The following SLC7A9 variants were observed in gnomAD, a reference collection of about 807,000 sequenced individuals.
SLC7A9 encodes the protein B(0,+)-type amino acid transporter 1.
A neutral mutation model predicts 54.1 loss-of-function variants in SLC7A9; 38 were observed. That is an observed-to-expected ratio of 0.70 (90% CI 0.54 to 0.92). The LOEUF (loss-of-function observed/expected upper bound fraction) is 0.92, where lower values mean the gene tolerates loss of function less well. SLC7A9 is among the 40% of genes least tolerant of loss of function. SLC7A9 has a pLI of 0.00. For synonymous variants in SLC7A9, 264 were observed against 258.9 expected, an observed-to-expected ratio of 1.02 and a Z score of -0.19; for missense variants, 537 against 636.1, an observed-to-expected ratio of 0.84 and a Z score of 1.68.
intron 12 of SLC7A9, among the ~76,000 whole-genome samples, chr19:32,831,674 C>T (rs1156720364): frequency 6.6e-6 from 1 of 152,218 alleles, no homozygotes; most frequent in African/African-American, 2.4e-5. Flanking sequence ...AAAGTGGCTA[C>T]TAACATAGCT....
At chr19:32,849,998 C>T (rs1480614186) in intron 9 of SLC7A9, among the ~76,000 whole-genome samples, 550 of 151,696 alleles carry the variant, frequency 3.6e-3, no homozygotes, top group African/African-American at 9.7e-3. Flanking sequence ...ATGCTAAAAA[C>T]TCTCAATAAA....
Position 32,862,477 on chromosome 19 carries a change from C to T in SLC7A9, c.588G>A (p.Leu196=). ...GTGGGTCACCTTGGGCCAGGAGCAC[C>T]AGCCCGCTGATGATGATGATGGCCA... ...VIVAIIIISG[L]VLLAQGNTKN... Residue 196 remains leucine, a synonymous_variant, in exon 5 of 13, where the codon CTG becomes CTA. Transcript: ENST00000023064. 2 of 1,613,134 alleles carry T rather than the reference C, an allele frequency of 1.2e-6. No individual in the cohort carries two copies. Among genetic ancestry groups the T allele is most frequent in the African/African-American group, 2.7e-5 (2 of 74,976 alleles).
intron 11 of SLC7A9, among the ~76,000 whole-genome samples, chr19:32,837,109 C>T (rs758033378): frequency 2.0e-5 from 3 of 152,154 alleles, no homozygotes; most frequent in African/African-American, 7.2e-5. Flanking sequence ...CAAGCATCCT[C>T]TACTCACTGT....
chr19:32,858,188 C>A (rs1222334046), intron 9 of SLC7A9, among the ~76,000 whole-genome samples: 1 of 152,176 alleles, frequency 6.6e-6, no homozygotes, highest in Non-Finnish European at 1.5e-5. Context: ...GAACTAGGGC[C>A]CCCTGGAGTG....
In SLC7A9 at chr19:32,868,641, G is replaced by T; in HGVS notation, c.-107C>A. 1.1e-6 allele frequency: 1 copy of T among 918,332 alleles called. No individual in the cohort carries two copies. The highest frequency in any genetic ancestry group is 1.8e-6 in the Non-Finnish European group (1 of 555,912). The allele number at this position is 918,332 out of a possible 1,614,324, so 56.9% of individuals were successfully genotyped here. A position where few individuals can be genotyped will look rare whatever the true frequency, so the allele number is the denominator to read the frequency against. On this transcript the variant is annotated 5_prime_UTR_variant, in exon 2 of 13. Coordinates refer to ENST00000023064, the MANE Select transcript of SLC7A9 (RefSeq NM_014270.5). ...TGCAAGCTCGGCCTGGACTAGGGGA[G>T]CTGGCTGCAAAAGCACAGTGTTGGT...
chr19:32,868,318 AC>A, intron 2 of SLC7A9, 129 bp downstream of exon 2: 1 of 714,514 alleles, frequency 1.4e-6, no homozygotes, highest in South Asian at 1.5e-5. Context: ...TTAAAGATGT[AC>A]TTCACAAATC....
intron 12 of SLC7A9, chr19:32,831,453 AT>A (rs368031675): frequency 3.3e-5 from 5 of 150,362 alleles, no homozygotes; most frequent in Non-Finnish European, 4.4e-5. Flanking sequence ...CGCCCGGCTA[AT>A]TTTTTTTTGT....
chr19:32,834,500 G>C (rs1967898402), intron 11 of SLC7A9, among the ~76,000 whole-genome samples: 1 of 152,000 alleles, frequency 6.6e-6, no homozygotes. Flanking sequence ...CGTGATGGCA[G>C]ATGCCTGTAA....
At chr19:32,833,048 G>C in intron 12 of SLC7A9, 101 bp downstream of exon 12, 3 of 1,123,320 alleles carry the variant, frequency 2.7e-6, no homozygotes, top group East Asian at 2.3e-5. Context: ...TCTGCCAGCA[G>C]GGTGAGACAC....
intron 9 of SLC7A9, among the ~76,000 whole-genome samples, chr19:32,846,053 G>A (rs1029427063): frequency 9.8e-5 from 15 of 152,302 alleles, no homozygotes; most frequent in Admixed American, 2.6e-4. Flanking sequence ...CAAGATAGCC[G>A]AATAGGAACA....
intron 7 of SLC7A9, chr19:32,860,259 TAAG>T (rs1307038507): frequency 7.1e-7 from 1 of 1,399,356 alleles, no homozygotes. Context: ...AGTGAGCTCA[TAAG>T]AAACCATTCG....
At position 32,864,764 on chromosome 19, in the gene SLC7A9, T is replaced by C. The variant is rs1968916980; in HGVS notation, c.100A>G (p.Ser34Gly). Residue 34 changes from serine (S) to glycine (G), a missense_variant, in exon 3 of 13, where the codon AGT becomes GGT. Physicochemically the swap from Ser to Gly is moderately conservative, Grantham distance 56. Transcript: ENST00000023064. ...GTGCCCACGATGATGGAGATGCCAC[T>C]GATGAGGCCCAGCTGGGTGTGGAGG... Reference protein sequence around the residue: ...TSLQKELGLISGISIIVGTII... With the variant: ...TSLQKELGLIGGISIIVGTII... 6.2e-7 allele frequency: 1 copy of C among 1,614,002 alleles called. No individual in the cohort carries two copies. Among genetic ancestry groups the C allele is most frequent in the African/African-American group, 1.3e-5 (1 of 74,920 alleles).
At chr19:32,861,707 C>T (rs1429489499) in intron 6 of SLC7A9, among the ~76,000 whole-genome samples, 2 of 152,060 alleles carry the variant, frequency 1.3e-5, no homozygotes, top group African/African-American at 4.8e-5. Flanking sequence ...CCCAGCTACT[C>T]AGGAGGCTGA....
Position 32,862,183 on chromosome 19 carries a change from G to A in SLC7A9, c.639C>T (p.Gly213=), listed in dbSNP as rs763216072. The change falls in exon 6 of 13, where the codon GGC becomes GGT. Residue 213 remains glycine (G), a synonymous_variant. Transcript: ENST00000023064. ...NTKNFDNSFE[G]AQLSVGAISL... is the part of the protein sequence containing the mutation. ...TGATGGCTCCCACAGACAGCTGGGCGCCCTCGAAAGAATTATCAAAATTCT... is the reference window on the plus strand; with the variant it reads ...TGATGGCTCCCACAGACAGCTGGGCACCCTCGAAAGAATTATCAAAATTCT... 22 of 1,613,712 alleles carry A rather than the reference G, an allele frequency of 1.4e-5. No homozygotes were observed. Among genetic ancestry groups the A allele is most frequent in the East Asian group, 2.2e-5 (1 of 44,890 alleles).
Position 32,868,435 on chromosome 19 carries a change from GA to G in SLC7A9, c.87+12del. 1 of 1,611,452 alleles carries G rather than the reference GA, an allele frequency of 6.2e-7. No individual in the cohort carries two copies. The highest frequency in any genetic ancestry group is 1.3e-5 in the African/African-American group (1 of 74,960). The stretch of plus-strand genomic sequence containing the variant: ...AACCTGCAAAGGGCCTGCCCCACCA[GA>G]GACCGCCTTACCTCCTTTTGGAGAC... On this transcript the variant is annotated intron_variant, in intron 2 of 12. Transcript: ENST00000023064.
intron 11 of SLC7A9, among the ~76,000 whole-genome samples, chr19:32,841,505 C>T (rs538852406): frequency 1.2e-3 from 188 of 152,104 alleles, no homozygotes; most frequent in Non-Finnish European, 2.2e-3. Flanking sequence ...GTGGGAGGAT[C>T]GCTTGAGCCC....
chr19:32,859,974 G>A lies in SLC7A9; in HGVS notation c.750-10C>T, dbSNP rs1379970045. 6.2e-7 allele frequency: 1 copy of A among 1,613,934 alleles called. No homozygotes were observed. Among genetic ancestry groups the A allele is most frequent in the Non-Finnish European group, 8.5e-7 (1 of 1,179,970 alleles). The stretch of plus-strand genomic sequence containing the variant: ...GGCCAAAGGCAGGTTTCTGGGAGGG[G>A]CAATGACACGGAGACCCACGTTCAG... On this transcript the variant is annotated splice_polypyrimidine_tract_variant and intron_variant, in intron 7 of 12. Transcript: ENST00000023064.
chr19:32,855,701 CAAA>C (rs113279936), intron 9 of SLC7A9, among the ~76,000 whole-genome samples: 1 of 145,182 alleles, frequency 6.9e-6, no homozygotes, highest in Non-Finnish European at 1.5e-5. Flanking sequence ...GACTCCGTCT[CAAA>C]AAAAAAAATA....
chr19:32,859,952 CA>C lies in SLC7A9; in HGVS notation c.761del (p.Leu254TrpfsTer10), dbSNP rs1217746861. On this transcript the variant is annotated frameshift_variant, in exon 8 of 13. Transcript: ENST00000023064. LOFTEE classifies it high-confidence loss of function. ...ELRNPYRNLP[L>X]AIIIGIPLVT... ...CCAGGGGGATCCCGATGATAATGGCCAAAGGCAGGTTTCTGGGAGGGGCAAT... is the reference window on the plus strand; with the variant it reads ...CCAGGGGGATCCCGATGATAATGGCCAAGGCAGGTTTCTGGGAGGGGCAAT... 1.9e-6 allele frequency: 3 copies of C among 1,614,024 alleles called. No individual in the cohort carries two copies. In the East Asian group the frequency reaches 6.7e-5, roughly 36 times the overall value.
Sources: allele counts gnomAD v4.1 joint callset (sites outside exome capture counted in the v4.1 genomes callset), GRCh38; gene constraint gnomAD v4.1.1; transcripts MANE v1.5; gene names NCBI Gene and HGNC (gene_info 2026-07-23, HGNC 2026-07-21).